CDH13: variants seen among roughly 807,000 people sequenced by gnomAD.
The protein encoded by CDH13 is cadherin-13.
A neutral mutation model predicts 63.8 loss-of-function variants in CDH13; 24 were observed. The ratio of observed to expected loss-of-function variants is 0.38; its 90% CI spans 0.27 to 0.53. The LOEUF is 0.53. Among genes scored for constraint, CDH13 ranks in the 20% least tolerant of loss-of-function variants. The pLI, the probability that CDH13 is intolerant of heterozygous loss-of-function variation, is 0.85. For missense variants in CDH13, 1,049 were observed against 903.1 expected (o/e 1.16, Z -2.07); for synonymous variants, 503 against 355.3 (o/e 1.42, Z -4.67).
chr16:83,493,519 G>C (rs1382448837), intron 7 of CDH13, among the ~76,000 whole-genome samples: 6 of 151,990 alleles, frequency 3.9e-5, no homozygotes, highest in Non-Finnish European at 8.8e-5. Context: ...ACCGAACCTT[G>C]ATGGCTGTGT....
intron 8 of CDH13, among the ~76,000 whole-genome samples, chr16:83,606,300 A>C (rs1908323333): frequency 6.6e-6 from 1 of 152,220 alleles, no homozygotes; most frequent in Non-Finnish European, 1.5e-5. Context: ...ATTCTATCTT[A>C]CATGACTTTC....
intron 1 of CDH13, among the ~76,000 whole-genome samples, chr16:82,708,702 G>C: frequency 6.6e-6 from 1 of 152,188 alleles, no homozygotes; most frequent in East Asian, 1.9e-4. Flanking sequence ...ACTCTAAAAA[G>C]AGGGGACTCC....
chr16:83,213,947 G>A (rs3924166), intron 4 of CDH13, among the ~76,000 whole-genome samples: 41 of 152,150 alleles, frequency 2.7e-4, no homozygotes, highest in African/African-American at 7.2e-4. Flanking sequence ...TCTGTGGCTC[G>A]CTAGAGGTTT....
At chr16:83,051,860 A>G (rs1597228116) in intron 3 of CDH13, among the ~76,000 whole-genome samples, 1 of 152,224 alleles carries the variant, frequency 6.6e-6, no homozygotes. Flanking sequence ...CCCCTAAGAG[A>G]CACAGCCCTC....
At chr16:83,054,410 A>G (rs1597233819) in intron 3 of CDH13, among the ~76,000 whole-genome samples, 1 of 152,340 alleles carries the variant, frequency 6.6e-6, no homozygotes, top group South Asian at 2.1e-4. Context: ...TTACTTGCAT[A>G]CAAGCACTGA....
chr16:83,386,328 C>T (rs886653997), intron 6 of CDH13, among the ~76,000 whole-genome samples: 3 of 152,140 alleles, frequency 2.0e-5, no homozygotes, highest in Admixed American at 6.5e-5. Context: ...AAGGGATAGG[C>T]GTCCCAGGAT....
chr16:82,835,165 A>C (rs893141579), intron 1 of CDH13, among the ~76,000 whole-genome samples: 1 of 152,208 alleles, frequency 6.6e-6, no homozygotes, highest in Non-Finnish European at 1.5e-5. Flanking sequence ...TTCTTTTTTC[A>C]TACCACGTCT....
chr16:83,719,111 T>A (rs72797294), intron 10 of CDH13, among the ~76,000 whole-genome samples: 15,757 of 152,194 alleles, frequency 0.1, 1,047 homozygotes, highest in Non-Finnish European at 0.15. Flanking sequence ...AGCCCATTCA[T>A]CTCTTGGGGG....
chr16:83,007,509 C>G (rs1007075549), intron 2 of CDH13, among the ~76,000 whole-genome samples: 64 of 152,096 alleles, frequency 4.2e-4, no homozygotes, highest in African/African-American at 1.5e-3. Flanking sequence ...ATAAATTTCC[C>G]TAAGGGCTAA....
intron 7 of CDH13, among the ~76,000 whole-genome samples, chr16:83,584,173 CA>C (rs962728265): frequency 1.3e-5 from 2 of 151,248 alleles, no homozygotes; most frequent in Non-Finnish European, 2.9e-5. Context: ...ACTAAAAATA[CA>C]AAAAAAATTA....
intron 8 of CDH13, among the ~76,000 whole-genome samples, chr16:83,646,710 A>ACACAC (rs1555507964): frequency 1.3e-5 from 1 of 76,712 alleles, no homozygotes; most frequent in Non-Finnish European, 3.2e-5. Flanking sequence ...AAAAAAAAAA[A>ACACAC]AAACACACAC....
chr16:82,728,249 C>A (rs181146506), intron 1 of CDH13, among the ~76,000 whole-genome samples: 1 of 152,244 alleles, frequency 6.6e-6, no homozygotes, highest in Admixed American at 6.5e-5. Context: ...TTCAATGGCA[C>A]CCCATTTCTT....
At chr16:83,277,551 A>G (rs2089030952) in intron 5 of CDH13, among the ~76,000 whole-genome samples, 1 of 152,148 alleles carries the variant, frequency 6.6e-6, no homozygotes, top group Non-Finnish European at 1.5e-5. Flanking sequence ...TCATGAGGTC[A>G]AGACTATTTT....
At chr16:83,610,585 A>G (rs1908769570) in intron 8 of CDH13, among the ~76,000 whole-genome samples, 1 of 152,140 alleles carries the variant, frequency 6.6e-6, no homozygotes, top group African/African-American at 2.4e-5. Flanking sequence ...TACCTTATTT[A>G]TATAAATAAT....
intron 5 of CDH13, among the ~76,000 whole-genome samples, chr16:83,295,084 A>G (rs1472919861): frequency 6.6e-6 from 1 of 152,144 alleles, no homozygotes; most frequent in Non-Finnish European, 1.5e-5. Flanking sequence ...TCATGCATCT[A>G]TGGCCAACTA....
intron 3 of CDH13, among the ~76,000 whole-genome samples, chr16:83,075,081 A>T (rs930097355): frequency 1.2e-4 from 18 of 152,128 alleles, no homozygotes; most frequent in Non-Finnish European, 4.4e-5. Flanking sequence ...CTTGACCCTT[A>T]ATGGACAATT....
intron 7 of CDH13, among the ~76,000 whole-genome samples, chr16:83,522,198 C>T (rs924671131): frequency 6.6e-6 from 1 of 152,216 alleles, no homozygotes; most frequent in African/African-American, 2.4e-5. Flanking sequence ...TGCTCTGCTG[C>T]AGCCTCCACA....
At chr16:82,976,859 G>C (rs1018013234) in intron 2 of CDH13, among the ~76,000 whole-genome samples, 4 of 152,130 alleles carry the variant, frequency 2.6e-5, no homozygotes, top group African/African-American at 4.8e-5. Flanking sequence ...CTCAGGCCGG[G>C]CTGCATTTGG....
chr16:82,699,085 T>C (rs554260839), intron 1 of CDH13, among the ~76,000 whole-genome samples: 1 of 152,344 alleles, frequency 6.6e-6, no homozygotes, highest in Non-Finnish European at 1.5e-5. Flanking sequence ...TAATATACAA[T>C]ATTCTGTTGG....
Sources: gnomAD v4.1 joint callset for allele counts (sites outside exome capture counted in the v4.1 genomes callset) on GRCh38, gnomAD v4.1.1 for gene constraint, MANE v1.5 for transcripts, NCBI Gene and HGNC (gene_info 2026-07-23, HGNC 2026-07-21) for gene names.